The following ZNF804B variants were observed in gnomAD, a reference collection of about 807,000 sequenced individuals.
ZNF804B encodes the protein zinc finger protein 804B.
In ZNF804B, 80 loss-of-function variants were observed where a neutral mutation model predicts 101.4. The observed-to-expected ratio is 0.79, with a 90% confidence interval of 0.66 to 0.95. The LOEUF (loss-of-function observed/expected upper bound fraction) is 0.95. Among genes scored for constraint, ZNF804B ranks in the 40% least tolerant of loss-of-function variants. The pLI is 0.00. For synonymous variants in ZNF804B, 622 were observed against 558.8 expected, an observed-to-expected ratio of 1.11 and a Z score of -1.59; for missense variants, 1,673 against 1,561.9, an observed-to-expected ratio of 1.07 and a Z score of -1.20.
chr7:88,811,559 A>C (rs1421285857), intron 1 of ZNF804B, among the ~76,000 whole-genome samples: 1 of 152,208 alleles, frequency 6.6e-6, no homozygotes. Context: ...AATATCAAAG[A>C]TATGGAATCA....
At chr7:89,331,081 T>A (rs1022152362) in intron 3 of ZNF804B, among the ~76,000 whole-genome samples, 1 of 151,624 alleles carries the variant, frequency 6.6e-6, no homozygotes, top group Non-Finnish European at 1.5e-5. Context: ...AACAATAGTA[T>A]CCATACACTA....
chr7:89,251,302 TCAAG>T (rs1180061408), intron 2 of ZNF804B, among the ~76,000 whole-genome samples: 1 of 151,944 alleles, frequency 6.6e-6, no homozygotes, highest in Non-Finnish European at 1.5e-5. Context: ...CCAATAATAT[TCAAG>T]GTGAGACCCA....
intron 2 of ZNF804B, among the ~76,000 whole-genome samples, chr7:89,313,263 A>G (rs1220295447): frequency 6.6e-6 from 1 of 152,206 alleles, no homozygotes; most frequent in African/African-American, 2.4e-5. Flanking sequence ...AATTAGGTTA[A>G]TAATTTTGAC....
chr7:88,770,920 A>G (rs2115630933), intron 1 of ZNF804B, among the ~76,000 whole-genome samples: 1 of 152,328 alleles, frequency 6.6e-6, no homozygotes, highest in East Asian at 1.9e-4. Flanking sequence ...TTTCCTTATA[A>G]GTTGAAATTT....
At chr7:89,108,445 T>G (rs571477372) in intron 1 of ZNF804B, among the ~76,000 whole-genome samples, 6 of 152,218 alleles carry the variant, frequency 3.9e-5, no homozygotes, top group African/African-American at 1.4e-4. Flanking sequence ...AGTATCTTAC[T>G]TTTTATATTA....
chr7:88,823,538 C>T (rs193016427), intron 1 of ZNF804B, among the ~76,000 whole-genome samples: 1,744 of 152,118 alleles, frequency 0.011, 31 homozygotes, highest in African/African-American at 0.039. Context: ...AGGGGTCTGA[C>T]AGGGGGTGCC....
intron 1 of ZNF804B, among the ~76,000 whole-genome samples, chr7:88,894,465 G>T (rs566359501): frequency 6.6e-6 from 1 of 152,178 alleles, no homozygotes; most frequent in African/African-American, 2.4e-5. Flanking sequence ...ACCCACGTCA[G>T]CCTCCCAAAG....
chr7:89,297,077 T>C (rs1168894755), intron 2 of ZNF804B, among the ~76,000 whole-genome samples: 1 of 152,064 alleles, frequency 6.6e-6, no homozygotes, highest in Non-Finnish European at 1.5e-5. Flanking sequence ...CTTTCATGAA[T>C]ACTAAATCAT....
intron 1 of ZNF804B, among the ~76,000 whole-genome samples, chr7:88,971,793 C>T (rs890430776): frequency 6.6e-6 from 1 of 151,462 alleles, no homozygotes; most frequent in African/African-American, 2.4e-5. Flanking sequence ...AAATGCATTG[C>T]ACCAGAATTT....
intron 1 of ZNF804B, among the ~76,000 whole-genome samples, chr7:88,910,340 C>T (rs566398081): frequency 6.6e-6 from 1 of 151,862 alleles, no homozygotes; most frequent in Middle Eastern, 3.4e-3. Flanking sequence ...CAAACGTCTC[C>T]CAATTTAAAT....
In ZNF804B at chr7:89,208,535, A is replaced by G. The variant is rs999567086; in HGVS notation, c.109-9620A>G. 3.3e-5 allele frequency among the ~76,000 whole-genome samples: 5 copies of G among 152,240 alleles called. No individual in the cohort carries two copies. In the South Asian group the frequency reaches 1.0e-3, roughly 32 times the overall value. Reference sequence around the variant, plus strand: ...GACAGATAAGCATGATTAAGCGATTAAGCAATAAAGCAGTAGCTGCTGTTA... The same window carrying G: ...GACAGATAAGCATGATTAAGCGATTGAGCAATAAAGCAGTAGCTGCTGTTA... On this transcript the variant is annotated intron_variant, in intron 1 of 3. Transcript: ENST00000333190.
At chr7:88,805,045 G>T (rs564630081) in intron 1 of ZNF804B, among the ~76,000 whole-genome samples, 5 of 152,194 alleles carry the variant, frequency 3.3e-5, no homozygotes, top group Admixed American at 1.3e-4. Context: ...AGTGGTGTTA[G>T]AGCTATTCTG....
chr7:88,913,655 CAA>C, intron 1 of ZNF804B, among the ~76,000 whole-genome samples: 1 of 152,274 alleles, frequency 6.6e-6, no homozygotes, highest in East Asian at 1.9e-4. Context: ...CTCGGCCTCC[CAA>C]AGTGCTGGGA....
At chr7:88,917,965 A>G (rs184191624) in intron 1 of ZNF804B, among the ~76,000 whole-genome samples, 2 of 152,220 alleles carry the variant, frequency 1.3e-5, no homozygotes, top group African/African-American at 4.8e-5. Context: ...TAAGGAAAGA[A>G]ATTAATGATT....
At chr7:88,806,920 A>T (rs992287203) in intron 1 of ZNF804B, among the ~76,000 whole-genome samples, 1 of 152,094 alleles carries the variant, frequency 6.6e-6, no homozygotes, top group African/African-American at 2.4e-5. Context: ...TTATAAGGTC[A>T]TTCTCCAAGA....
chr7:88,898,156 G>C (rs564359764), intron 1 of ZNF804B, among the ~76,000 whole-genome samples: 32 of 130,392 alleles, frequency 2.5e-4, no homozygotes, highest in African/African-American at 8.6e-4. Context: ...GCGGGATCTC[G>C]GCTCACTGCA....
At chr7:89,271,278 G>T (rs537811752) in intron 2 of ZNF804B, among the ~76,000 whole-genome samples, 2 of 151,976 alleles carry the variant, frequency 1.3e-5, no homozygotes, top group African/African-American at 2.4e-5. Context: ...TAGCATGAAG[G>T]GCTGTTGAAT....
intron 1 of ZNF804B, among the ~76,000 whole-genome samples, chr7:89,049,070 T>G (rs764811469): frequency 6.6e-6 from 1 of 152,092 alleles, no homozygotes; most frequent in Non-Finnish European, 1.5e-5. Flanking sequence ...TGCTTTGTAT[T>G]GTACAAAGTC....
intron 1 of ZNF804B, among the ~76,000 whole-genome samples, chr7:89,069,298 CCGT>C (rs1032695409): frequency 6.6e-6 from 1 of 152,088 alleles, no homozygotes; most frequent in African/African-American, 2.4e-5. Flanking sequence ...AAGGGCAAGG[CCGT>C]CCCCACAGAA....
Sources: allele counts gnomAD v4.1 joint callset (sites outside exome capture counted in the v4.1 genomes callset), GRCh38; gene constraint gnomAD v4.1.1; transcripts MANE v1.5; gene names NCBI Gene and HGNC (gene_info 2026-07-23, HGNC 2026-07-21).